MIR2052HG: variants seen among roughly 807,000 people sequenced by gnomAD.
The protein encoded by MIR2052HG is MIR2052 host gene.
chr8:74,716,883 AC>A (rs1809526608), intron 4 of MIR2052HG, among the ~76,000 whole-genome samples: 1 of 152,118 alleles, frequency 6.6e-6, no homozygotes, highest in Non-Finnish European at 1.5e-5. Flanking sequence ...AGTTTTTGCC[AC>A]TGCTTTTTTT....
chr8:74,694,821 G>A (rs1036783904), intron 2 of MIR2052HG, among the ~76,000 whole-genome samples: 1 of 152,058 alleles, frequency 6.6e-6, no homozygotes, highest in African/African-American at 2.4e-5. Context: ...CCTCCAGGAA[G>A]TTTGGGATTA....
chr8:74,660,523 G>A (rs1008377686), intron 2 of MIR2052HG, among the ~76,000 whole-genome samples: 1 of 152,134 alleles, frequency 6.6e-6, no homozygotes, highest in African/African-American at 2.4e-5. Flanking sequence ...CCAGTTGAAA[G>A]AAAATTACCA....
chr8:74,739,595 A>G (rs1200169429), intron 4 of MIR2052HG, among the ~76,000 whole-genome samples: 1 of 152,178 alleles, frequency 6.6e-6, no homozygotes, highest in African/African-American at 2.4e-5. Context: ...ATATAGTTGT[A>G]GTAATGTCTT....
intron 4 of MIR2052HG, among the ~76,000 whole-genome samples, chr8:74,742,670 T>C (rs777308934): frequency 2.0e-5 from 3 of 152,166 alleles, no homozygotes; most frequent in Non-Finnish European, 4.4e-5. Context: ...ACTGTGGAAA[T>C]GTTGACATCA....
chr8:74,632,121 A>G (rs1051956584), intron 2 of MIR2052HG, among the ~76,000 whole-genome samples: 7 of 152,160 alleles, frequency 4.6e-5, no homozygotes, highest in African/African-American at 1.7e-4. Flanking sequence ...TAGACATCAC[A>G]ACACCTCTAT....
rs370775251 is a variant in MIR2052HG, at chr8:74,677,169, T to A, written n.217-25210T>A. 1.4e-4 allele frequency among the ~76,000 whole-genome samples: 22 copies of A among 152,108 alleles called. No homozygotes were observed. In the East Asian group the frequency reaches 2.7e-3, roughly 19 times the overall value. On this transcript the variant is annotated intron_variant and non_coding_transcript_variant, in intron 2 of 6. Transcript: ENST00000523442. Reference sequence around the variant, plus strand: ...AAGATATTATAATTCTAAACCTACATGCACTAATAAAATCAGTTCAATATA... The same window carrying A: ...AAGATATTATAATTCTAAACCTACAAGCACTAATAAAATCAGTTCAATATA...
chr8:74,713,099 T>C (rs563462835), intron 4 of MIR2052HG, among the ~76,000 whole-genome samples: 13 of 152,282 alleles, frequency 8.5e-5, no homozygotes, highest in African/African-American at 3.1e-4. Context: ...TAGTCAATGT[T>C]AATACTAAAG....
intron 2 of MIR2052HG, among the ~76,000 whole-genome samples, chr8:74,683,653 A>T (rs959693303): frequency 6.6e-6 from 1 of 152,042 alleles, no homozygotes; most frequent in African/African-American, 2.4e-5. Flanking sequence ...CATTCTTTGT[A>T]TCTTAACGTT....
At chr8:74,736,087 T>C (rs979461838) in intron 4 of MIR2052HG, among the ~76,000 whole-genome samples, 4 of 152,202 alleles carry the variant, frequency 2.6e-5, no homozygotes, top group East Asian at 1.9e-4. Context: ...ACTTAAAATG[T>C]ATATCTAGGT....
chr8:74,627,656 G>T (rs1808453945), intron 2 of MIR2052HG, among the ~76,000 whole-genome samples: 1 of 152,206 alleles, frequency 6.6e-6, no homozygotes. Flanking sequence ...AAGTGAATTT[G>T]TTCTATATGA....
At chr8:74,694,971 A>G (rs1403914001) in intron 2 of MIR2052HG, among the ~76,000 whole-genome samples, 1 of 152,192 alleles carries the variant, frequency 6.6e-6, no homozygotes, top group Non-Finnish European at 1.5e-5. Context: ...AAGAAGCTCA[A>G]AGAACACCTG....
intron 2 of MIR2052HG, among the ~76,000 whole-genome samples, chr8:74,614,782 C>T (rs1286997452): frequency 6.6e-6 from 1 of 151,286 alleles, no homozygotes; most frequent in Non-Finnish European, 1.5e-5. Context: ...ACTTTTTGCT[C>T]TGATATAGGG....
chr8:74,677,075 T>G (rs1364512989), intron 2 of MIR2052HG, among the ~76,000 whole-genome samples: 1 of 152,008 alleles, frequency 6.6e-6, no homozygotes, highest in Non-Finnish European at 1.5e-5. Flanking sequence ...CAAAATATGC[T>G]TAAAGTTAAA....
intron 2 of MIR2052HG, among the ~76,000 whole-genome samples, chr8:74,653,540 A>C (rs73337300): frequency 2.5e-4 from 38 of 152,312 alleles, no homozygotes; most frequent in African/African-American, 8.9e-4. Flanking sequence ...AATGTAAATA[A>C]AAGTTCTAAC....
chr8:74,675,369 T>G (rs1467120138), intron 2 of MIR2052HG, among the ~76,000 whole-genome samples: 1 of 152,076 alleles, frequency 6.6e-6, no homozygotes, highest in Non-Finnish European at 1.5e-5. Context: ...ATAACCATTA[T>G]TTACATAGCA....
At chr8:74,680,038 CA>C (rs1471757733) in intron 2 of MIR2052HG, among the ~76,000 whole-genome samples, 1 of 152,100 alleles carries the variant, frequency 6.6e-6, no homozygotes, top group Non-Finnish European at 1.5e-5. Flanking sequence ...ATATTATTGT[CA>C]ACTTGGAAAA....
intron 4 of MIR2052HG, among the ~76,000 whole-genome samples, chr8:74,713,122 T>A (rs1167142899): frequency 6.6e-6 from 1 of 152,164 alleles, no homozygotes; most frequent in East Asian, 1.9e-4. Context: ...CTCACATGAA[T>A]GGACACTTTT....
chr8:74,604,300 T>TG (rs1808074313), intron 1 of MIR2052HG: 2 of 643,652 alleles, frequency 3.1e-6, no homozygotes, highest in African/African-American at 2.0e-5. Context: ...TGGTCACTGA[T>TG]GGGGGGTGAA....
At chr8:74,668,026 G>GA (rs36064268) in intron 2 of MIR2052HG, among the ~76,000 whole-genome samples, 6,158 of 139,878 alleles carry the variant, frequency 0.044, 386 homozygotes, top group African/African-American at 0.15. Context: ...GACTGGAATG[G>GA]AAAAAAAAAA....
Sources: gnomAD v4.1 joint callset for allele counts (sites outside exome capture counted in the v4.1 genomes callset) on GRCh38, gnomAD v4.1.1 for gene constraint, MANE v1.5 for transcripts, NCBI Gene and HGNC (gene_info 2026-07-23, HGNC 2026-07-21) for gene names.